Variants in ZNF148 observed in about 807,000 individuals in gnomAD.
The protein encoded by ZNF148 is Beta-Enolase Repressor Factor-1.
A neutral mutation model predicts 67.7 loss-of-function variants in ZNF148; 7 were observed. The observed-to-expected ratio is 0.10, with a 90% CI of 0.06 to 0.19. The LOEUF is 0.19. Ranked by LOEUF, ZNF148 falls within the 10% of genes least tolerant of loss-of-function variation. The probability of loss-of-function intolerance (pLI) is 1.00; values close to 1 mark genes in which losing one functional copy is unlikely to be tolerated. For synonymous variants in ZNF148, 333 were observed against 330.7 expected (o/e 1.01, Z -0.08); for missense variants, 583 against 947.1 (o/e 0.62, Z 5.05).
intron 4 of ZNF148, among the ~76,000 whole-genome samples, chr3:125,308,592 A>G (rs574684642): frequency 3.3e-5 from 5 of 152,152 alleles, no homozygotes; most frequent in African/African-American, 1.2e-4. Flanking sequence ...CAAAGGACCT[A>G]ACATAGTCAC....
chr3:125,286,703 T>C (rs1478577443), intron 5 of ZNF148, among the ~76,000 whole-genome samples: 2 of 152,072 alleles, frequency 1.3e-5, no homozygotes, highest in African/African-American at 4.8e-5. Context: ...ACAAAAAACA[T>C]TAAAAACTTT....
At position 125,338,659 on chromosome 3, in the gene ZNF148, CAAAAAAA is replaced by C. The variant is rs757727396; in HGVS notation, c.-233-7428_-233-7422del. On this transcript the variant is annotated intron_variant, in intron 1 of 8. Transcript: ENST00000360647. ...TGAGTGACAGAGTGAGACCCTGTCT[CAAAAAAA>C]AAAAAAAAAAAAAAAAACTATCACA... is the stretch of plus-strand genomic sequence containing the variant. 1.2e-4 allele frequency among the ~76,000 whole-genome samples: 6 copies of C among 51,190 alleles called. No individual in the cohort carries two copies. In the South Asian group the frequency reaches 4.4e-3, roughly 38 times the overall value. The allele number at this position is 51,190 out of a possible 152,430, so 33.6% of individuals were successfully genotyped here. A position where few individuals can be genotyped will look rare whatever the true frequency, so the allele number is the denominator to read the frequency against.
At chr3:125,297,653 T>C (rs1412048175) in intron 4 of ZNF148, among the ~76,000 whole-genome samples, 1 of 147,224 alleles carries the variant, frequency 6.8e-6, no homozygotes, top group African/African-American at 2.7e-5. Flanking sequence ...GAAAAGATAA[T>C]CAATTTCATT....
chr3:125,281,054 A>G (rs1041238851), intron 5 of ZNF148, among the ~76,000 whole-genome samples: 4 of 152,244 alleles, frequency 2.6e-5, no homozygotes, highest in African/African-American at 7.2e-5. Flanking sequence ...TTTAAATTCA[A>G]GAAGACAGTT....
chr3:125,373,356 G>C (rs890084503), intron 1 of ZNF148, among the ~76,000 whole-genome samples: 5 of 151,728 alleles, frequency 3.3e-5, no homozygotes, highest in Admixed American at 3.3e-4. Flanking sequence ...CTCCCAAAGT[G>C]CTGGGATTAC....
intron 2 of ZNF148, among the ~76,000 whole-genome samples, chr3:125,328,154 A>G (rs1001728225): frequency 6.6e-6 from 1 of 152,146 alleles, no homozygotes; most frequent in African/African-American, 2.4e-5. Context: ...AAGAAAAAGA[A>G]GCAAAAGTCA....
At chr3:125,242,495 C>T (rs57432220) in intron 7 of ZNF148, among the ~76,000 whole-genome samples, 2,914 of 152,206 alleles carry the variant, frequency 0.019, 89 homozygotes, top group African/African-American at 0.065. Flanking sequence ...TGGTGGCACA[C>T]GCCTAATCCC....
chr3:125,364,411 C>T (rs1387373322), intron 1 of ZNF148, among the ~76,000 whole-genome samples: 2 of 152,080 alleles, frequency 1.3e-5, no homozygotes, highest in Non-Finnish European at 1.5e-5. Flanking sequence ...CAGAACACCT[C>T]AGACTTCAAA....
intron 1 of ZNF148, among the ~76,000 whole-genome samples, chr3:125,342,031 A>C (rs528252758): frequency 6.6e-6 from 1 of 151,950 alleles, no homozygotes; most frequent in South Asian, 2.1e-4. Flanking sequence ...GGGGAAGAGA[A>C]TCGTTGAACT....
chr3:125,266,675 A>T (rs1937537543), intron 7 of ZNF148, among the ~76,000 whole-genome samples: 1 of 152,182 alleles, frequency 6.6e-6, no homozygotes, highest in Admixed American at 6.5e-5. Flanking sequence ...TAGAAAAACA[A>T]GAACAAACTA....
chr3:125,272,371 CT>C lies in ZNF148; in HGVS notation c.667+5354del, dbSNP rs35524024. 8.1e-4 allele frequency among the ~76,000 whole-genome samples: 123 copies of C among 152,282 alleles called. 2 individuals carry two copies. The highest frequency in any genetic ancestry group is 1.0e-3 in the Non-Finnish European group (70 of 68,012). On this transcript the variant is annotated intron_variant, in intron 7 of 8. Coordinates refer to ENST00000360647, the MANE Select transcript of ZNF148 (RefSeq NM_021964.3). Reference sequence around the variant, plus strand: ...ACTTGTTAAAACAAATGCTACACATCTTTTTTAAATATAGCTGCTATGAACT... The same window carrying C: ...ACTTGTTAAAACAAATGCTACACATCTTTTTAAATATAGCTGCTATGAACT...
At chr3:125,260,048 A>T (rs1212824932) in intron 7 of ZNF148, among the ~76,000 whole-genome samples, 1 of 152,180 alleles carries the variant, frequency 6.6e-6, no homozygotes, top group East Asian at 1.9e-4. Flanking sequence ...CAGTTGGTGG[A>T]GCAGTTGGAA....
At position 125,233,263 on chromosome 3, in the gene ZNF148, G is replaced by A. The variant is rs764824718; in HGVS notation, c.1463C>T (p.Ala488Val). 6 of 1,613,692 alleles carry A rather than the reference G, an allele frequency of 3.7e-6. No individual in the cohort carries two copies. Among genetic ancestry groups the A allele is most frequent in the Non-Finnish European group, 4.2e-6 (5 of 1,179,910 alleles). The part of the protein sequence containing the change: ...QAASNNSREY[A>V]LNVGTIASQP... Reference sequence around the variant, plus strand: ...AGAAGCTATGGTACCCACATTCAGCGCATATTCCCTGCTGTTGTTACTTGC... The same window carrying A: ...AGAAGCTATGGTACCCACATTCAGCACATATTCCCTGCTGTTGTTACTTGC... Residue 488 changes from alanine to valine, a missense_variant, in exon 9 of 9, where the codon GCG (alanine) becomes GTG (valine). Coordinates refer to ENST00000360647, the MANE Select transcript of ZNF148 (RefSeq NM_021964.3). The surrounding 1 kb of genome is among the most constrained non-coding windows in gnomAD (Gnocchi z 5.1).
intron 3 of ZNF148, among the ~76,000 whole-genome samples, chr3:125,316,835 C>A (rs931359556): frequency 9.9e-5 from 15 of 152,186 alleles, no homozygotes; most frequent in Admixed American, 9.8e-4. Flanking sequence ...CTTTCCTGTG[C>A]AGAAGATTTT....
intron 2 of ZNF148, among the ~76,000 whole-genome samples, chr3:125,330,443 G>A (rs1197756086): frequency 7.4e-6 from 1 of 135,514 alleles, no homozygotes; most frequent in Non-Finnish European, 1.5e-5. Context: ...TCCAGCCTGG[G>A]CAACAGGGCA....
chr3:125,368,352 C>T (rs1942764394), intron 1 of ZNF148, among the ~76,000 whole-genome samples: 1 of 152,152 alleles, frequency 6.6e-6, no homozygotes, highest in South Asian at 2.1e-4. Flanking sequence ...TCCATCCAAC[C>T]ATCTGATGCA....
chr3:125,351,380 C>CAAAAAAAA lies in ZNF148; in HGVS notation c.-233-20150_-233-20143dup, dbSNP rs1158167448. ...GGCCACAGAGTGAGACCTTGTTTCT[C>CAAAAAAAA]AAAAAAAAAAAAAAAAAAAAAAAAA... On this transcript the variant is annotated intron_variant, in intron 1 of 8. Transcript: ENST00000360647. 7.8e-5 allele frequency among the ~76,000 whole-genome samples: 4 copies of CAAAAAAAA among 51,352 alleles called. 1 individual carries two copies. The highest frequency in any genetic ancestry group is 1.3e-4 in the Non-Finnish European group (4 of 30,452). 33.7% of individuals were successfully genotyped at this position (51,352 alleles called of 152,430 possible). A position where few individuals can be genotyped will look rare whatever the true frequency, so the allele number is the denominator to read the frequency against.
rs1935767270 is a variant in ZNF148, at chr3:125,229,528, C to G, written c.*2813G>C. 1 of 152,012 alleles carries G rather than the reference C, an allele frequency of 6.6e-6. No homozygotes were observed. Among genetic ancestry groups the G allele is most frequent in the Admixed American group, 6.6e-5 (1 of 15,250 alleles). 9.4% of individuals were successfully genotyped at this position (152,012 alleles called of 1,614,324 possible). A position where few individuals can be genotyped will look rare whatever the true frequency, so the allele number is the denominator to read the frequency against. ...ATGTGAGAATAAGGTTTTAAAAAAC[C>G]CTTTAGAAGATGTTCAAGAGATACT... On this transcript the variant is annotated 3_prime_UTR_variant, in exon 9 of 9. Transcript: ENST00000360647.
intron 1 of ZNF148, among the ~76,000 whole-genome samples, chr3:125,350,918 G>T (rs1345640564): frequency 6.6e-6 from 1 of 152,182 alleles, no homozygotes; most frequent in East Asian, 1.9e-4. Context: ...CATTATAAGT[G>T]AAACAAGCCA....
Sources: gnomAD v4.1 joint callset for allele counts (sites outside exome capture counted in the v4.1 genomes callset) on GRCh38, gnomAD v4.1.1 for gene constraint, Gnocchi (gnomAD v3.1) non-coding constraint, MANE v1.5 for transcripts, NCBI Gene and HGNC (gene_info 2026-07-23, HGNC 2026-07-21) for gene names.